Variants in ENTREP2 observed in about 807,000 individuals in gnomAD.
The protein encoded by ENTREP2 is protein ENTREP2.
chr15:29,258,967 T>C, the ENTREP2 span, among the ~76,000 whole-genome samples: 42 of 152,222 alleles, frequency 2.8e-4, no homozygotes, highest in Non-Finnish European at 4.4e-4. Context: ...GTTCCAGAAA[T>C]TGGTCCTGCC....
the ENTREP2 span, among the ~76,000 whole-genome samples, chr15:29,487,756 G>A: frequency 1.3e-5 from 2 of 152,174 alleles, no homozygotes; most frequent in African/African-American, 2.4e-5. Flanking sequence ...GCAGTGGCTC[G>A]ATCTCAGCTC....
At chr15:29,300,893 G>A in the ENTREP2 span, among the ~76,000 whole-genome samples, 2 of 152,192 alleles carry the variant, frequency 1.3e-5, no homozygotes, top group South Asian at 2.1e-4. Flanking sequence ...CACTGTGCCC[G>A]AACAGAACAT....
the ENTREP2 span, among the ~76,000 whole-genome samples, chr15:29,282,808 C>T: frequency 2.6e-5 from 4 of 152,192 alleles, no homozygotes; most frequent in African/African-American, 9.7e-5. Flanking sequence ...TCCAGCACAT[C>T]CAAGTCTGCC....
the ENTREP2 span, among the ~76,000 whole-genome samples, chr15:29,554,890 TAC>T: frequency 7.2e-5 from 11 of 152,186 alleles, no homozygotes; most frequent in African/African-American, 1.2e-4. Context: ...TGAACATTCT[TAC>T]ACACGTTAGC....
chr15:29,550,912 C>A, the ENTREP2 span, among the ~76,000 whole-genome samples: 3 of 152,128 alleles, frequency 2.0e-5, no homozygotes, highest in Non-Finnish European at 4.4e-5. Context: ...TCAAAGAGAG[C>A]AAGTGATCTG....
the ENTREP2 span, among the ~76,000 whole-genome samples, chr15:29,556,171 C>T: frequency 3.3e-5 from 5 of 152,082 alleles, no homozygotes; most frequent in Non-Finnish European, 4.4e-5. Flanking sequence ...GTGGGAGGAT[C>T]GTTTGAGCCC....
At chr15:29,175,202 C>T in the ENTREP2 span, among the ~76,000 whole-genome samples, 1 of 152,130 alleles carries the variant, frequency 6.6e-6, no homozygotes, top group Non-Finnish European at 1.5e-5. Flanking sequence ...ATCTGCATGA[C>T]CTTGGGGAGT....
chr15:29,290,408 C>G, the ENTREP2 span, among the ~76,000 whole-genome samples: 1 of 152,160 alleles, frequency 6.6e-6, no homozygotes, highest in African/African-American at 2.4e-5. Flanking sequence ...TTTCCCATGA[C>G]TCTATATTCA....
the ENTREP2 span, among the ~76,000 whole-genome samples, chr15:29,349,355 C>A: frequency 1.3e-5 from 2 of 152,116 alleles, no homozygotes; most frequent in Non-Finnish European, 2.9e-5. Flanking sequence ...ACAAACAGAA[C>A]AGTTTAATCA....
the ENTREP2 span, chr15:29,120,618 G>A: frequency 6.6e-6 from 1 of 152,258 alleles, no homozygotes; most frequent in Non-Finnish European, 1.5e-5. Context: ...CAACGGTGGT[G>A]TCACAGCAGG....
chr15:29,256,658 A>T, the ENTREP2 span, among the ~76,000 whole-genome samples: 1 of 152,218 alleles, frequency 6.6e-6, no homozygotes, highest in African/African-American at 2.4e-5. Flanking sequence ...ACTGATCAGG[A>T]ACCCAGGTTC....
At chr15:29,577,128 A>T in the ENTREP2 span, among the ~76,000 whole-genome samples, 13 of 151,972 alleles carry the variant, frequency 8.6e-5, no homozygotes, top group Admixed American at 2.0e-4. Flanking sequence ...TTAAAAAAAA[A>T]AAGAAAGAAA....
At chr15:29,648,954 C>CAA in the ENTREP2 span, among the ~76,000 whole-genome samples, 39 of 149,880 alleles carry the variant, frequency 2.6e-4, no homozygotes, top group African/African-American at 8.8e-4. Flanking sequence ...AAAACAACAA[C>CAA]AAAAAAAACT....
At chr15:29,611,368 A>T in the ENTREP2 span, among the ~76,000 whole-genome samples, 1 of 151,986 alleles carries the variant, frequency 6.6e-6, no homozygotes, top group East Asian at 1.9e-4. Flanking sequence ...GAGGCATATT[A>T]AAACTCATTA....
the ENTREP2 span, among the ~76,000 whole-genome samples, chr15:29,293,911 G>A: frequency 1.3e-5 from 2 of 152,224 alleles, no homozygotes; most frequent in Admixed American, 1.3e-4. Flanking sequence ...TCCTCACAGC[G>A]CATCCTGCAG....
At chr15:29,600,135 A>C in the ENTREP2 span, among the ~76,000 whole-genome samples, 17 of 152,186 alleles carry the variant, frequency 1.1e-4, no homozygotes, top group African/African-American at 3.9e-4. Context: ...TGTTGAGCCA[A>C]ATTTTCTGTG....
At chr15:29,320,803 T>A in the ENTREP2 span, among the ~76,000 whole-genome samples, 1 of 152,118 alleles carries the variant, frequency 6.6e-6, no homozygotes, top group Non-Finnish European at 1.5e-5. Flanking sequence ...AGCTTGAAGA[T>A]AGGTCAACAC....
chr15:29,659,804 T>A, the ENTREP2 span, among the ~76,000 whole-genome samples: 6 of 147,492 alleles, frequency 4.1e-5, no homozygotes, highest in Admixed American at 6.7e-5. Context: ...GCCACTATAT[T>A]TTTTTTTTTT....
the ENTREP2 span, chr15:29,233,721 T>C: frequency 2.2e-6 from 3 of 1,356,362 alleles, no homozygotes; most frequent in South Asian, 1.2e-5. Context: ...TCAAGTTACA[T>C]GGATCTGAGC....
Sources: allele counts gnomAD v4.1 joint callset (sites outside exome capture counted in the v4.1 genomes callset), GRCh38; gene constraint gnomAD v4.1.1; transcripts MANE v1.5; gene names NCBI Gene and HGNC (gene_info 2026-07-23, HGNC 2026-07-21).